NDRG2: variants seen among roughly 807,000 people sequenced by gnomAD.
The protein encoded by NDRG2 is protein NDRG2.
A neutral mutation model predicts 58.2 loss-of-function variants in NDRG2; 34 were observed. That is an observed-to-expected ratio of 0.58 (90% CI 0.44 to 0.78). The LOEUF (loss-of-function observed/expected upper bound fraction) is 0.78. NDRG2 is among the 30% of genes least tolerant of loss of function. NDRG2 has a pLI of 0.00. For synonymous variants in NDRG2, 187 were observed against 175.9 expected, an observed-to-expected ratio of 1.06 and a Z score of -0.50; for missense variants, 434 against 471.2, an observed-to-expected ratio of 0.92 and a Z score of 0.73.
intron 2 of NDRG2, 52 bp downstream of exon 2, chr14:21,023,189 G>C: frequency 1.4e-6 from 2 of 1,476,704 alleles, no homozygotes; most frequent in Non-Finnish European, 1.9e-6. Flanking sequence ...AGGCAAGGGG[G>C]ATGCTTAGAG....
intron 1 of NDRG2, chr14:21,036,087 C>A: frequency 2.4e-6 from 1 of 415,336 alleles, no homozygotes; most frequent in African/African-American, 2.1e-5. Context: ...CAGTGCCCGG[C>A]ACATGGTGAG....
intron 1 of NDRG2, among the ~76,000 whole-genome samples, chr14:21,067,291 T>TC (rs1886318616): frequency 6.6e-6 from 1 of 152,012 alleles, no homozygotes; most frequent in African/African-American, 2.4e-5. Context: ...GGTTTTTTTT[T>TC]TCTCTGACCC....
At chr14:21,032,004 A>G (rs966288870) in intron 1 of NDRG2, 1 of 1,614,066 alleles carries the variant, frequency 6.2e-7, no homozygotes. Flanking sequence ...GCGGGACGGG[A>G]AGAGATGACT....
At chr14:21,065,695 CA>C (rs1283873905) in intron 1 of NDRG2, among the ~76,000 whole-genome samples, 1 of 152,158 alleles carries the variant, frequency 6.6e-6, no homozygotes, top group Non-Finnish European at 1.5e-5. Flanking sequence ...TGAAGGATGA[CA>C]GCCAGTCACT....
intron 2 of NDRG2, 136 bp from the exon 3 acceptor site, chr14:21,023,041 G>A: frequency 8.9e-7 from 1 of 1,121,290 alleles, no homozygotes; most frequent in East Asian, 2.6e-5. Flanking sequence ...GACAAAGAGA[G>A]ACACGGAAAG....
At chr14:21,059,619 T>C (rs1362942400) in intron 1 of NDRG2, among the ~76,000 whole-genome samples, 1 of 152,070 alleles carries the variant, frequency 6.6e-6, no homozygotes, top group Non-Finnish European at 1.5e-5. Context: ...CTCAGCCTCC[T>C]GAGTATCTGG....
At chr14:21,020,721 A>G in intron 7 of NDRG2, 63 bp downstream of exon 7, 1 of 1,605,074 alleles carries the variant, frequency 6.2e-7, no homozygotes, top group Non-Finnish European at 8.5e-7. Context: ...CAGCACTAAT[A>G]AACAGTATTC....
upstream of NDRG2, among the ~76,000 whole-genome samples, chr14:21,029,465 G>A (rs1883913339): frequency 4.6e-5 from 7 of 152,168 alleles, no homozygotes; most frequent in South Asian, 1.2e-3. Flanking sequence ...GCCAGGCATA[G>A]TGGCTGGGCT....
At chr14:21,030,889 G>A in intron 1 of NDRG2, 1 of 1,509,596 alleles carries the variant, frequency 6.6e-7, no homozygotes, top group African/African-American at 1.4e-5. Context: ...GCTATCCTTT[G>A]TCTTCGAGAC....
chr14:21,037,064 T>C (rs891276171), intron 1 of NDRG2, among the ~76,000 whole-genome samples: 2 of 152,186 alleles, frequency 1.3e-5, no homozygotes, highest in Non-Finnish European at 2.9e-5. Flanking sequence ...GGACTTTTTA[T>C]ACCTTTTGTT....
intron 1 of NDRG2, among the ~76,000 whole-genome samples, chr14:21,063,246 A>G (rs1464658700): frequency 1.3e-5 from 2 of 152,146 alleles, no homozygotes; most frequent in African/African-American, 4.8e-5. Flanking sequence ...GTGTGTGTGT[A>G]TATAAACACA....
chr14:21,034,368 G>A (rs1053140171), intron 1 of NDRG2: 5 of 1,008,982 alleles, frequency 5.0e-6, no homozygotes, highest in Non-Finnish European at 7.4e-6. Context: ...AGAGCCTCCA[G>A]CATTCCCAAC....
chr14:21,070,600 A>T lies in NDRG2; in HGVS notation c.24+228T>A, dbSNP rs1886673350. Reference sequence around the variant, plus strand: ...TCTGTCCCCACCGGGTATTGCCCTCACCCTTTCTTCCTCCTCTCCTCCGCC... The same window carrying T: ...TCTGTCCCCACCGGGTATTGCCCTCTCCCTTTCTTCCTCCTCTCCTCCGCC... On this transcript the variant is annotated intron_variant, in intron 1 of 14. Coordinates refer to the NDRG2 transcript ENST00000403829. This position sits in a 1 kb window ranked among gnomAD's most constrained non-coding sequence, Gnocchi z 4.7. Among the ~76,000 whole-genome samples, 1 of 147,442 alleles carries T rather than the reference A, an allele frequency of 6.8e-6. No homozygotes were observed. The highest frequency in any genetic ancestry group is 2.5e-5 in the African/African-American group (1 of 39,362).
chr14:21,070,392 G>C lies in NDRG2; in HGVS notation c.24+436C>G. The C allele has an allele frequency of 2.8e-6, 4 of 1,409,814 alleles. No homozygotes were observed. The highest frequency in any genetic ancestry group is 2.8e-6 in the Non-Finnish European group (3 of 1,090,496). The allele number at this position is 1,409,814 out of a possible 1,614,324, so 87.3% of individuals were successfully genotyped here. A position where few individuals can be genotyped will look rare whatever the true frequency, so the allele number is the denominator to read the frequency against. ...CAAGCGTCGGACGCGGCCCGGCGCC[G>C]AGCCATGGTGAGTCCAGCGTCGCAG... is the stretch of plus-strand genomic sequence containing the variant. On this transcript the variant is annotated intron_variant, in intron 1 of 14. Transcript: ENST00000403829. This position sits in a 1 kb window ranked among gnomAD's most constrained non-coding sequence, Gnocchi z 4.7.
At chr14:21,020,154 C>G (rs529704288) in intron 8 of NDRG2, 178 bp from the exon 9 acceptor site, 2 of 590,346 alleles carry the variant, frequency 3.4e-6, no homozygotes, top group Admixed American at 2.7e-5. Context: ...ATTAGCCAGG[C>G]GTGGTGGCGG....
At chr14:21,033,250 C>T (rs1884365598) in intron 1 of NDRG2, 1 of 316,412 alleles carries the variant, frequency 3.2e-6, no homozygotes, top group Non-Finnish European at 6.1e-6. Flanking sequence ...AGGGAGAAAC[C>T]ATGATTTCAC....
chr14:21,066,046 TC>T (rs1353359584), intron 1 of NDRG2, among the ~76,000 whole-genome samples: 1 of 151,992 alleles, frequency 6.6e-6, no homozygotes, highest in Non-Finnish European at 1.5e-5. Context: ...TTGCAGTGAG[TC>T]CAGATTGCAA....
rs1413725666 is a variant in NDRG2 at position 21,070,200 on chromosome 14, C to A, written c.24+628G>T. Reference sequence around the variant, plus strand: ...GGAGGCGGGGGCGGGCGCTGAAGGGCGGGGCGGGGAGGGGCGGCCGTCTCG... The same window carrying A: ...GGAGGCGGGGGCGGGCGCTGAAGGGAGGGGCGGGGAGGGGCGGCCGTCTCG... On this transcript the variant is annotated intron_variant, in intron 1 of 14. Transcript: ENST00000403829. This position sits in a 1 kb window ranked among gnomAD's most constrained non-coding sequence, Gnocchi z 4.7. The A allele has an allele frequency of 3.5e-6, 1 of 285,396 alleles. No homozygotes were observed. The allele number at this position is 285,396 out of a possible 1,614,324, so 17.7% of individuals were successfully genotyped here.
rs755548208 is a variant in NDRG2, at chr14:21,022,133, G to A, written c.273C>T (p.Ile91=). The A allele has an allele frequency of 6.2e-7, 1 of 1,614,144 alleles. No individual in the cohort carries two copies. The highest frequency in any genetic ancestry group is 8.5e-7 in the Non-Finnish European group (1 of 1,180,030). ...PLFQFEDMQE[I]IQNFVRVHVD... ...CATGAACCCGCACAAAGTTCTGAATGATTTCCTGCATGTCCTCGAACTGAA... is the reference window on the plus strand; with the variant it reads ...CATGAACCCGCACAAAGTTCTGAATAATTTCCTGCATGTCCTCGAACTGAA... Residue 91 remains isoleucine (I), a synonymous_variant, in exon 5 of 16, where the codon ATC becomes ATT. Coordinates refer to ENST00000556147, the MANE Select transcript of NDRG2 (RefSeq NM_001320329.2).
Sources: gnomAD v4.1 joint callset for allele counts (sites outside exome capture counted in the v4.1 genomes callset) on GRCh38, gnomAD v4.1.1 for gene constraint, Gnocchi (gnomAD v3.1) non-coding constraint, MANE v1.5 for transcripts, NCBI Gene and HGNC (gene_info 2026-07-23, HGNC 2026-07-21) for gene names.